CCDC50: variants seen among roughly 807,000 people sequenced by gnomAD.
The protein encoded by CCDC50 is coiled-coil domain containing 50.
CCDC50 carries 54 observed loss-of-function variants against 70.2 expected under a neutral mutation model. That is an observed-to-expected ratio of 0.77 (90% CI 0.62 to 0.96). The LOEUF (loss-of-function observed/expected upper bound fraction) is 0.96. Among genes scored for constraint, CCDC50 ranks in the 50% least tolerant of loss-of-function variants. The pLI is 0.00. For synonymous variants in CCDC50, 216 were observed against 198.8 expected (o/e 1.09, Z -0.73); for missense variants, 558 against 578.7 (o/e 0.96, Z 0.37).
rs1332757308 is a variant in CCDC50, at chr3:191,393,727, G to C, written c.*1967G>C. 1 of 152,146 alleles carries C rather than the reference G, an allele frequency of 6.6e-6. No homozygotes were observed. The highest frequency in any genetic ancestry group is 2.4e-5 in the African/African-American group (1 of 41,432). The allele number at this position is 152,146 out of a possible 1,614,324, so 9.4% of individuals were successfully genotyped here. A position where few individuals can be genotyped will look rare whatever the true frequency, so the allele number is the denominator to read the frequency against. On this transcript the variant is annotated 3_prime_UTR_variant, in exon 12 of 12. Coordinates refer to ENST00000392455, the MANE Select transcript of CCDC50 (RefSeq NM_178335.3). Reference sequence around the variant, plus strand: ...ATAAGGAAGGGGAGACAAAATGGAAGGTCCTGGCCTTAAGTCAAATTCCAG... The same window carrying C: ...ATAAGGAAGGGGAGACAAAATGGAACGTCCTGGCCTTAAGTCAAATTCCAG...
At chr3:191,330,988 G>A (rs1260718345) in intron 1 of CCDC50, among the ~76,000 whole-genome samples, 1 of 152,162 alleles carries the variant, frequency 6.6e-6, no homozygotes, top group East Asian at 1.9e-4. Flanking sequence ...CTTTGATGAA[G>A]ACTTAGGGCT....
At chr3:191,375,003 A>G in intron 5 of CCDC50, 59 bp from the exon 6 acceptor site, 3 of 1,553,716 alleles carry the variant, frequency 1.9e-6, no homozygotes, top group South Asian at 2.3e-5. Context: ...TAGTGAGTTC[A>G]TAACTCTCAT....
chr3:191,385,976 T>C (rs1425751045), intron 10 of CCDC50, among the ~76,000 whole-genome samples: 1 of 152,168 alleles, frequency 6.6e-6, no homozygotes, highest in African/African-American at 2.4e-5. Flanking sequence ...TCTGTTACAT[T>C]GGTCTGTGTG....
rs373543812 is a variant in CCDC50, at chr3:191,349,867, T to C, written c.50-7221T>C. 6.4e-5 allele frequency among the ~76,000 whole-genome samples: 9 copies of C among 141,178 alleles called. 2 individuals carry two copies. In the South Asian group the frequency reaches 1.8e-3, roughly 28 times the overall value. The allele number at this position is 141,178 out of a possible 152,430, so 92.6% of individuals were successfully genotyped here. On this transcript the variant is annotated intron_variant, in intron 1 of 11. Coordinates refer to ENST00000392455, the MANE Select transcript of CCDC50 (RefSeq NM_178335.3). Reference sequence around the variant, plus strand: ...GCATTTTGGGGGACATGGAAACCACTTTCTGAATACATGTACCATCTTTAC... The same window carrying C: ...GCATTTTGGGGGACATGGAAACCACCTTCTGAATACATGTACCATCTTTAC...
At chr3:191,348,382 T>C (rs1237310404) in intron 1 of CCDC50, among the ~76,000 whole-genome samples, 1 of 142,702 alleles carries the variant, frequency 7.0e-6, no homozygotes, top group Admixed American at 7.1e-5. Flanking sequence ...ACCATAAGAA[T>C]CTCTAAACAG....
chr3:191,329,522 T>A lies in CCDC50; in HGVS notation c.-153T>A. 8 of 633,918 alleles carry A rather than the reference T, an allele frequency of 1.3e-5. No homozygotes were observed. The highest frequency in any genetic ancestry group is 1.8e-5 in the Non-Finnish European group (7 of 396,822). 39.3% of individuals were successfully genotyped at this position (633,918 alleles called of 1,614,324 possible). A position where few individuals can be genotyped will look rare whatever the true frequency, so the allele number is the denominator to read the frequency against. On this transcript the variant is annotated 5_prime_UTR_variant, in exon 1 of 12. Coordinates refer to ENST00000392455, the MANE Select transcript of CCDC50 (RefSeq NM_178335.3). The stretch of plus-strand genomic sequence containing the variant: ...TCCCGCTGCTTTGGTCACCAGCCCC[T>A]GCCCGCCCGACCCGCTCCGTTCTCC...
intron 1 of CCDC50, among the ~76,000 whole-genome samples, chr3:191,333,910 A>G (rs558116131): frequency 5.0e-4 from 76 of 152,292 alleles, no homozygotes; most frequent in African/African-American, 1.8e-3. Context: ...AATAGAATTC[A>G]TTCAACATAG....
intron 5 of CCDC50, among the ~76,000 whole-genome samples, chr3:191,374,566 A>G (rs1403790480): frequency 6.6e-6 from 1 of 152,188 alleles, no homozygotes; most frequent in Non-Finnish European, 1.5e-5. Flanking sequence ...TCTGTGGATC[A>G]TTCCTCTGAA....
At chr3:191,381,621 A>G (rs750352853) in intron 9 of CCDC50, among the ~76,000 whole-genome samples, 13 of 152,148 alleles carry the variant, frequency 8.5e-5, no homozygotes, top group Admixed American at 6.6e-4. Flanking sequence ...ATTTTTCCTG[A>G]TAGTAGTGTA....
At chr3:191,359,869 TAAC>T (rs1354953927) in intron 3 of CCDC50, among the ~76,000 whole-genome samples, 1 of 152,154 alleles carries the variant, frequency 6.6e-6, no homozygotes, top group Non-Finnish European at 1.5e-5. Flanking sequence ...ATTAGGTTAA[TAAC>T]AGTATAATGA....
chr3:191,380,410 T>A, intron 7 of CCDC50, 136 bp downstream of exon 7: 1 of 731,224 alleles, frequency 1.4e-6, no homozygotes. Flanking sequence ...ATCATGACAA[T>A]AGGAATAGAG....
intron 5 of CCDC50, 54 bp from the exon 6 acceptor site, chr3:191,375,006 ACT>A: frequency 6.4e-7 from 1 of 1,553,708 alleles, no homozygotes; most frequent in Non-Finnish European, 8.9e-7. Context: ...TGAGTTCATA[ACT>A]CTCATTAAAT....
In CCDC50 at chr3:191,380,700, A is replaced by C. The variant is rs778952598; in HGVS notation, c.1106A>C (p.Asp369Ala). The C allele has an allele frequency of 3.7e-5, 59 of 1,612,568 alleles. No individual in the cohort carries two copies. The highest frequency in any genetic ancestry group is 4.7e-5 in the Non-Finnish European group (56 of 1,179,180). The change falls in exon 8 of 12, where the codon GAC becomes GCC. Residue 369 changes from aspartate (D) to alanine (A), a missense_variant. Coordinates refer to ENST00000392455, the MANE Select transcript of CCDC50 (RefSeq NM_178335.3). The part of the protein sequence containing the change: ...QEEELLATQV[D>A]MRAAQVAQDE... Reference sequence around the variant, plus strand: ...TCGATATCATAGGCTACCCAGGTGGACATGAGAGCCGCTCAAGTAGCTCAA... The same window carrying C: ...TCGATATCATAGGCTACCCAGGTGGCCATGAGAGCCGCTCAAGTAGCTCAA...
intron 10 of CCDC50, among the ~76,000 whole-genome samples, chr3:191,387,072 T>C (rs1377776772): frequency 6.6e-6 from 1 of 152,224 alleles, no homozygotes; most frequent in Non-Finnish European, 1.5e-5. Flanking sequence ...CAAGTATTTA[T>C]TGAGCACCCT....
intron 1 of CCDC50, 30 bp downstream of exon 1, chr3:191,329,753 A>T (rs1560151297): frequency 6.3e-7 from 1 of 1,597,866 alleles, no homozygotes; most frequent in South Asian, 1.1e-5. Flanking sequence ...AGCGCGCGGG[A>T]CCCTCCCCTC....
intron 11 of CCDC50, among the ~76,000 whole-genome samples, chr3:191,390,900 TG>T (rs1713671586): frequency 6.6e-6 from 1 of 152,210 alleles, no homozygotes; most frequent in East Asian, 1.9e-4. Context: ...CAAACGCCTC[TG>T]ACAGAGGAAC....
chr3:191,363,704 T>G (rs1285600417), intron 4 of CCDC50, among the ~76,000 whole-genome samples: 1 of 152,228 alleles, frequency 6.6e-6, no homozygotes, highest in East Asian at 1.9e-4. Context: ...CCCACTAGCT[T>G]GCCCTCAGTA....
At chr3:191,338,745 G>A (rs1711607873) in intron 1 of CCDC50, among the ~76,000 whole-genome samples, 1 of 152,144 alleles carries the variant, frequency 6.6e-6, no homozygotes, top group Admixed American at 6.5e-5. Flanking sequence ...TGTTGTATGA[G>A]TTGTTCCAGC....
At chr3:191,341,614 TTTCTC>T (rs1711734579) in intron 1 of CCDC50, among the ~76,000 whole-genome samples, 2 of 152,230 alleles carry the variant, frequency 1.3e-5, no homozygotes, top group South Asian at 4.1e-4. Context: ...AGTTTTGGCT[TTTCTC>T]TTCTCAGAGT....
Sources: allele counts gnomAD v4.1 joint callset (sites outside exome capture counted in the v4.1 genomes callset), GRCh38; gene constraint gnomAD v4.1.1; transcripts MANE v1.5; gene names NCBI Gene and HGNC (gene_info 2026-07-23, HGNC 2026-07-21).